Variants in CFAP97D2 observed in about 807,000 individuals in gnomAD.
CFAP97D2 encodes the protein uncharacterized protein CFAP97D2.
chr13:114,202,783 T>G (rs2138772546), intron 3 of CFAP97D2, among the ~76,000 whole-genome samples: 1 of 152,294 alleles, frequency 6.6e-6, no homozygotes, highest in Non-Finnish European at 1.5e-5. Context: ...GCCTGCAGCC[T>G]TGGGAATGGT....
In CFAP97D2 at chr13:114,179,756, C is replaced by T. The variant is rs185969003; in HGVS notation, c.90+336C>T. On this transcript the variant is annotated intron_variant, in intron 1 of 4. Coordinates refer to ENST00000646158, the Ensembl canonical transcript of CFAP97D2. The surrounding 1 kb of genome is among the most constrained non-coding windows in gnomAD (Gnocchi z 4.8). ...TGAAAGCATCTTAAGACAAAAACAC[C>T]AGAAGCATCCTTTTCTTTTTCTTTC... Among the ~76,000 whole-genome samples the T allele has an allele frequency of 3.7e-4, 57 of 152,240 alleles. No individual in the cohort carries two copies. In the East Asian group the frequency reaches 0.01, roughly 27 times the overall value.
At chr13:114,216,319 C>G (rs1038905032) in intron 4 of CFAP97D2, among the ~76,000 whole-genome samples, 1 of 152,082 alleles carries the variant, frequency 6.6e-6, no homozygotes, top group Non-Finnish European at 1.5e-5. Context: ...ACTTTAAGTT[C>G]TAGGGTACAT....
intron 3 of CFAP97D2, among the ~76,000 whole-genome samples, chr13:114,204,205 T>C (rs1289176171): frequency 6.6e-6 from 1 of 152,152 alleles, no homozygotes; most frequent in Non-Finnish European, 1.5e-5. Context: ...GGGGATTTTA[T>C]AGGGTGGCAT....
At chr13:114,181,963 C>T (rs142121160) in intron 1 of CFAP97D2, among the ~76,000 whole-genome samples, 1,848 of 151,258 alleles carry the variant, frequency 0.012, 93 homozygotes, top group East Asian at 0.082. Context: ...TCGGGTGGGA[C>T]GAGAGACTGA....
intron 3 of CFAP97D2, among the ~76,000 whole-genome samples, chr13:114,208,885 C>A (rs60633162): frequency 0.055 from 8,380 of 152,214 alleles, 746 homozygotes; most frequent in African/African-American, 0.19. Flanking sequence ...TGCCAGAAAC[C>A]ACAAGATGCG....
In CFAP97D2 at chr13:114,179,984, C is replaced by T; in HGVS notation, c.90+564C>T. ...TTTTCTCTATCAAAACAGTGGACTC[C>T]AAGGGGGACTAAAAGCCAACCCTTG... On this transcript the variant is annotated intron_variant, in intron 1 of 4. Coordinates refer to ENST00000646158, the Ensembl canonical transcript of CFAP97D2. This position sits in a 1 kb window ranked among gnomAD's most constrained non-coding sequence, Gnocchi z 4.8. Among the ~76,000 whole-genome samples, 1 of 152,142 alleles carries T rather than the reference C, an allele frequency of 6.6e-6. No individual in the cohort carries two copies. The highest frequency in any genetic ancestry group is 1.9e-4 in the East Asian group (1 of 5,190).
rs1036650113 is a variant in CFAP97D2, at chr13:114,200,426, C to G, written c.273C>G (p.Asn91Lys). Residue 91 changes from asparagine (N) to lysine (K), a missense_variant, in exon 3 of 5, where the codon AAC becomes AAG. Coordinates refer to ENST00000646158, the Ensembl canonical transcript of CFAP97D2. ...CCAGGGGACAGACTGACAGCAAAAA[C>G]AACTCCAAGCACAGGAGGTAAGGGA... 7.5e-6 allele frequency: 3 copies of G among 398,720 alleles called. No individual in the cohort carries two copies. In the South Asian group the frequency reaches 3.8e-4, roughly 51 times the overall value. The allele number at this position is 398,720 out of a possible 1,614,324, so 24.7% of individuals were successfully genotyped here. A position where few individuals can be genotyped will look rare whatever the true frequency, so the allele number is the denominator to read the frequency against.
At chr13:114,191,639 A>G (rs2080869915) in intron 1 of CFAP97D2, among the ~76,000 whole-genome samples, 1 of 152,230 alleles carries the variant, frequency 6.6e-6, no homozygotes, top group Non-Finnish European at 1.5e-5. Context: ...TTCATTTCTG[A>G]TGGGAATTCA....
At chr13:114,222,914 T>A (rs908635946), downstream of CFAP97D2, 1 of 189,552 alleles carries the variant, frequency 5.3e-6, no homozygotes, top group African/African-American at 2.3e-5. This position sits in a 1 kb window ranked among gnomAD's most constrained non-coding sequence, Gnocchi z 4.4. Context: ...AGGGTTTGAA[T>A]TAGATTGTTT....
At chr13:114,209,395 A>G (rs1447279607) in intron 3 of CFAP97D2, among the ~76,000 whole-genome samples, 3 of 152,258 alleles carry the variant, frequency 2.0e-5, no homozygotes, top group Admixed American at 1.3e-4. Context: ...TCTGCCTGGA[A>G]TAATAACAAA....
Position 114,211,734 on chromosome 13 carries a change from G to C in CFAP97D2, c.291-178G>C, listed in dbSNP as rs1198793378. ...GAGTGTGCCCTTCGCTCCTCTCTGAGCCAGCAGCTCCCACTCCAGCACCTG... is the reference window on the plus strand; with the variant it reads ...GAGTGTGCCCTTCGCTCCTCTCTGACCCAGCAGCTCCCACTCCAGCACCTG... On this transcript the variant is annotated intron_variant, in intron 3 of 4. Coordinates refer to ENST00000646158, the Ensembl canonical transcript of CFAP97D2. This position sits in a 1 kb window ranked among gnomAD's most constrained non-coding sequence, Gnocchi z 4.2. 6.6e-6 allele frequency among the ~76,000 whole-genome samples: 1 copy of C among 152,220 alleles called. No homozygotes were observed. The highest frequency in any genetic ancestry group is 1.5e-5 in the Non-Finnish European group (1 of 68,048).
intron 4 of CFAP97D2, among the ~76,000 whole-genome samples, chr13:114,218,549 A>T (rs2081006007): frequency 6.6e-6 from 1 of 152,212 alleles, no homozygotes; most frequent in African/African-American, 2.4e-5. Flanking sequence ...ATGGAACCAA[A>T]AAAGAGCCCA....
At chr13:114,213,844 C>T (rs9562155) in intron 4 of CFAP97D2, among the ~76,000 whole-genome samples, 4,987 of 138,716 alleles carry the variant, frequency 0.036, 220 homozygotes, top group East Asian at 0.28. Context: ...GACCACGAAC[C>T]CCACCCCTGG....
chr13:114,218,991 CA>C (rs2081008081), intron 4 of CFAP97D2, among the ~76,000 whole-genome samples: 1 of 152,120 alleles, frequency 6.6e-6, no homozygotes, highest in African/African-American at 2.4e-5. Flanking sequence ...ACTAAAACAC[CA>C]AAAGCAATGG....
chr13:114,182,325 G>A (rs199816206), intron 1 of CFAP97D2, among the ~76,000 whole-genome samples: 2,641 of 142,626 alleles, frequency 0.019, 53 homozygotes, highest in African/African-American at 0.056. Context: ...CTCGCCTCCC[G>A]CCATAGGGCT....
intron 3 of CFAP97D2, among the ~76,000 whole-genome samples, chr13:114,205,642 C>T (rs2080936500): frequency 6.6e-6 from 1 of 152,078 alleles, no homozygotes; most frequent in South Asian, 2.1e-4. Flanking sequence ...GGAGTGGAGA[C>T]AATGGCAATC....
At chr13:114,202,687 T>C (rs2080923664) in intron 3 of CFAP97D2, among the ~76,000 whole-genome samples, 1 of 152,200 alleles carries the variant, frequency 6.6e-6, no homozygotes, top group Non-Finnish European at 1.5e-5. Flanking sequence ...AGTTGCCTGT[T>C]GCTGAGACTA....
Position 114,207,903 on chromosome 13 carries a change from C to T in CFAP97D2, c.291-4009C>T, listed in dbSNP as rs761969801. ...CCAAAATATGTCCCATGCTCTTCCT[C>T]TAAGAGAAGACATTGGCCAGAAAGC... On this transcript the variant is annotated intron_variant, in intron 3 of 4. Transcript: ENST00000646158. This position sits in a 1 kb window ranked among gnomAD's most constrained non-coding sequence, Gnocchi z 4.9. Among the ~76,000 whole-genome samples the T allele has an allele frequency of 3.9e-5, 6 of 152,246 alleles. No homozygotes were observed. Among genetic ancestry groups the T allele is most frequent in the Non-Finnish European group, 7.3e-5 (5 of 68,048 alleles).
At chr13:114,214,480 A>G (rs1333104394) in intron 4 of CFAP97D2, among the ~76,000 whole-genome samples, 1 of 152,222 alleles carries the variant, frequency 6.6e-6, no homozygotes, top group African/African-American at 2.4e-5. Flanking sequence ...GGGTGTAAGG[A>G]ACATGGGAGT....
Sources: gnomAD v4.1 joint callset for allele counts (sites outside exome capture counted in the v4.1 genomes callset) on GRCh38, gnomAD v4.1.1 for gene constraint, Gnocchi (gnomAD v3.1) non-coding constraint, MANE v1.5 for transcripts, NCBI Gene and HGNC (gene_info 2026-07-23, HGNC 2026-07-21) for gene names.